The following STARD13 variants were observed in gnomAD, a reference collection of about 807,000 sequenced individuals.
STARD13 encodes stAR-related lipid transfer protein 13.
A neutral mutation model predicts 106.4 loss-of-function variants in STARD13; 62 were observed. The observed-to-expected ratio is 0.58, with a 90% CI of 0.48 to 0.72. The LOEUF is 0.72. Among genes scored for constraint, STARD13 ranks in the 30% least tolerant of loss-of-function variants. The pLI is 0.00. For synonymous variants in STARD13, 565 were observed against 553.0 expected, an observed-to-expected ratio of 1.02 and a Z score of -0.31; for missense variants, 1,387 against 1,424.0, an observed-to-expected ratio of 0.97 and a Z score of 0.42.
the STARD13 span, among the ~76,000 whole-genome samples, chr13:33,606,307 GAAAA>G: frequency 2.0e-5 from 3 of 150,890 alleles, no homozygotes; most frequent in Admixed American, 2.0e-4. Context: ...ATCTCAAAAA[GAAAA>G]AAAGAAAAAA....
At chr13:33,465,125 C>T in the STARD13 span, among the ~76,000 whole-genome samples, 5,216 of 151,560 alleles carry the variant, frequency 0.034, 288 homozygotes, top group African/African-American at 0.12. Flanking sequence ...ATCTTCATTG[C>T]TATTTTGCTA....
rs545105856 is a variant in STARD13 at position 33,167,244 on chromosome 13, AAAAG to A, written c.241+303_241+306del. ...GAGTAGTAAAGGAAAAACAAGGAGA[AAAAG>A]AAGGAAGTGCAGAAAAGCTGCTGAT... is the stretch of plus-strand genomic sequence containing the variant. On this transcript the variant is annotated intron_variant, in intron 2 of 13. Coordinates refer to ENST00000336934, the MANE Select transcript of STARD13 (RefSeq NM_178006.4). Among the ~76,000 whole-genome samples the A allele has an allele frequency of 2.9e-3, 447 of 152,312 alleles. 6 individuals carry two copies. The highest frequency in any genetic ancestry group is 0.023 in the Admixed American group (346 of 15,300).
intron 13 of STARD13, 117 bp from the exon 14 acceptor site, chr13:33,105,827 C>T (rs1055860924): frequency 1.2e-5 from 10 of 818,630 alleles, no homozygotes; most frequent in South Asian, 4.4e-5. Flanking sequence ...GCAGACAGCT[C>T]GGGCTGCTGC....
the STARD13 span, among the ~76,000 whole-genome samples, chr13:33,630,389 T>C: frequency 3.3e-3 from 504 of 152,256 alleles, 2 homozygotes; most frequent in Non-Finnish European, 4.8e-3. Flanking sequence ...TCCTAGCCCC[T>C]AGGAAGCTTT....
intron 3 of STARD13, among the ~76,000 whole-genome samples, chr13:33,162,795 G>A (rs1003102387): frequency 6.6e-6 from 1 of 151,642 alleles, no homozygotes; most frequent in Non-Finnish European, 1.5e-5. Context: ...TTTCTAGGAG[G>A]TTCCAAACTT....
the STARD13 span, among the ~76,000 whole-genome samples, chr13:33,594,008 G>A: frequency 1.3e-5 from 2 of 152,082 alleles, no homozygotes; most frequent in African/African-American, 2.4e-5. Flanking sequence ...CCGGGTTCAC[G>A]CCGTTCTCCT....
chr13:33,234,130 C>A (rs1889069002), intron 1 of STARD13, among the ~76,000 whole-genome samples: 1 of 152,170 alleles, frequency 6.6e-6, no homozygotes, highest in Non-Finnish European at 1.5e-5. Context: ...CTGGCTGTGT[C>A]TGAATAGACC....
rs540356528 is a variant in STARD13, at chr13:33,239,042, C to T, written c.169+46428G>A. 2.0e-5 allele frequency among the ~76,000 whole-genome samples: 3 copies of T among 152,082 alleles called. No homozygotes were observed. In the East Asian group the frequency reaches 5.8e-4, roughly 29 times the overall value. On this transcript the variant is annotated intron_variant, in intron 1 of 13. Transcript: ENST00000336934. ...ACAACCTCCCCATTTCCCCCTCCCC[C>T]CCAGCCACTGACAGTCATCATTCTA...
At chr13:33,457,807 C>T in the STARD13 span, among the ~76,000 whole-genome samples, 1 of 152,178 alleles carries the variant, frequency 6.6e-6, no homozygotes, top group Non-Finnish European at 1.5e-5. Flanking sequence ...ACTTAATCAC[C>T]TCCTAAAGCC....
chr13:33,167,219 G>C (rs1025192616), intron 2 of STARD13, among the ~76,000 whole-genome samples: 5 of 152,112 alleles, frequency 3.3e-5, no homozygotes, highest in Non-Finnish European at 7.4e-5. Flanking sequence ...AGAAAAGTGA[G>C]AGTAGTAAAG....
the STARD13 span, among the ~76,000 whole-genome samples, chr13:33,386,574 G>A: frequency 8.7e-4 from 133 of 152,214 alleles, no homozygotes; most frequent in South Asian, 3.3e-3. Context: ...GGGGGTCGAC[G>A]TGCAGCCTGG....
chr13:33,650,889 GC>G, the STARD13 span, among the ~76,000 whole-genome samples: 6 of 152,228 alleles, frequency 3.9e-5, no homozygotes, highest in African/African-American at 1.4e-4. Flanking sequence ...CTGGGGGAAG[GC>G]CTTCTTAAAA....
chr13:33,516,096 C>T, the STARD13 span, among the ~76,000 whole-genome samples: 1 of 149,766 alleles, frequency 6.7e-6, no homozygotes, highest in Non-Finnish European at 1.5e-5. Flanking sequence ...CATACACACA[C>T]ATATATGTTA....
chr13:33,574,539 C>A, the STARD13 span, among the ~76,000 whole-genome samples: 1 of 152,182 alleles, frequency 6.6e-6, no homozygotes, highest in Non-Finnish European at 1.5e-5. Context: ...AGTTCGAGAC[C>A]AGCCTGCGGT....
intron 1 of STARD13, among the ~76,000 whole-genome samples, chr13:33,183,862 A>G (rs865831278): frequency 9.2e-5 from 14 of 152,310 alleles, no homozygotes; most frequent in African/African-American, 3.4e-4. Context: ...CACACCTCCA[A>G]GGGAATCATC....
the STARD13 span, among the ~76,000 whole-genome samples, chr13:33,455,993 C>T: frequency 2.6e-5 from 4 of 151,896 alleles, no homozygotes; most frequent in Admixed American, 6.6e-5. Flanking sequence ...TAAATAACAA[C>T]GAATAATATT....
chr13:33,199,429 A>G (rs571031089), intron 1 of STARD13, among the ~76,000 whole-genome samples: 2 of 152,236 alleles, frequency 1.3e-5, no homozygotes, highest in African/African-American at 4.8e-5. Flanking sequence ...AACTGTAGTG[A>G]GATAAGCATT....
chr13:33,302,658 C>T (rs747447480), intron 1 of STARD13, among the ~76,000 whole-genome samples: 3 of 152,190 alleles, frequency 2.0e-5, no homozygotes, highest in South Asian at 2.1e-4. Flanking sequence ...CCTCCCACCT[C>T]GGCCTCCCAA....
the STARD13 span, among the ~76,000 whole-genome samples, chr13:33,644,668 A>C: frequency 6.6e-6 from 1 of 151,996 alleles, no homozygotes; most frequent in African/African-American, 2.4e-5. Flanking sequence ...CTGTTCTTCC[A>C]CTCCAAGCCT....
Sources: gnomAD v4.1 joint callset for allele counts (sites outside exome capture counted in the v4.1 genomes callset) on GRCh38, gnomAD v4.1.1 for gene constraint, MANE v1.5 for transcripts, NCBI Gene and HGNC (gene_info 2026-07-23, HGNC 2026-07-21) for gene names.